AFDN: variants seen among roughly 807,000 people sequenced by gnomAD.
AFDN encodes the protein afadin, adherens junction formation factor, also known as afadin.
Under a neutral mutation model 216.6 loss-of-function variants are expected in AFDN, and 68 were observed. The ratio of observed to expected loss-of-function variants is 0.31; its 90% CI spans 0.26 to 0.38. AFDN has a LOEUF of 0.38. Among genes scored for constraint, AFDN ranks in the 10% least tolerant of loss-of-function variants. AFDN has a pLI of 1.00. For missense variants in AFDN, 2,136 were observed against 2,342.0 expected (o/e 0.91, Z 1.82); for synonymous variants, 868 against 853.7 (o/e 1.02, Z -0.29).
intron 32 of AFDN, 123 bp downstream of exon 32, chr6:167,966,168 T>C (rs1309226002): frequency 3.3e-6 from 5 of 1,534,274 alleles, no homozygotes; most frequent in Admixed American, 2.0e-5. Context: ...CTCCAACTCA[T>C]TCCAGCCACC....
intron 1 of AFDN, among the ~76,000 whole-genome samples, chr6:167,857,601 G>A (rs939154998): frequency 4.6e-5 from 7 of 151,480 alleles, no homozygotes; most frequent in African/African-American, 9.7e-5. Flanking sequence ...GATGAGAGGG[G>A]GATTACATTT....
chr6:167,886,642 C>T (rs1786849926), intron 6 of AFDN, among the ~76,000 whole-genome samples: 1 of 152,048 alleles, frequency 6.6e-6, no homozygotes, highest in African/African-American at 2.4e-5. Flanking sequence ...TAATTAAGTC[C>T]ATGGATATGA....
At chr6:167,861,147 A>G (rs1447033386) in intron 1 of AFDN, among the ~76,000 whole-genome samples, 1 of 151,552 alleles carries the variant, frequency 6.6e-6, no homozygotes, top group Non-Finnish European at 1.5e-5. Flanking sequence ...TAGGAACTTG[A>G]TTTTATCCAT....
rs957494925 is a variant in AFDN, at chr6:167,877,894, C to A, written c.739+2399C>A. ...CCTTAATTTGTTTTTGTTAAACTCA[C>A]CTCACAGCTGATCAGGCATCACAAT... On this transcript the variant is annotated intron_variant, in intron 5 of 33. Coordinates refer to ENST00000683244, the MANE Select transcript of AFDN (RefSeq NM_001386888.1). 7.9e-5 allele frequency among the ~76,000 whole-genome samples: 12 copies of A among 152,104 alleles called. 1 individual carries two copies. The highest frequency in any genetic ancestry group is 2.9e-4 in the African/African-American group (12 of 41,378).
At chr6:167,864,869 G>T in intron 2 of AFDN, 123 bp downstream of exon 2, 2 of 1,028,692 alleles carry the variant, frequency 1.9e-6, no homozygotes, top group South Asian at 2.5e-5. Context: ...TCTTTTGGTG[G>T]GTAGGAGAGT....
intron 23 of AFDN, among the ~76,000 whole-genome samples, chr6:167,940,955 G>A (rs1794621502): frequency 2.8e-5 from 1 of 35,682 alleles, no homozygotes. Context: ...AGACACAGAG[G>A]GATGTAGGGG....
At chr6:167,834,147 G>C (rs1780137008) in intron 1 of AFDN, among the ~76,000 whole-genome samples, 1 of 151,978 alleles carries the variant, frequency 6.6e-6, no homozygotes, top group Admixed American at 6.5e-5. Flanking sequence ...AGAGGTATAT[G>C]GTTACTTGAG....
At chr6:167,907,338 A>G (rs1021187827) in intron 13 of AFDN, 49 bp downstream of exon 13, 1 of 1,408,756 alleles carries the variant, frequency 7.1e-7, no homozygotes, top group African/African-American at 1.4e-5. Flanking sequence ...AAGTATTCCT[A>G]AAAAAGGGTT....
intron 22 of AFDN, chr6:167,923,276 T>C (rs961483272): frequency 5.8e-6 from 1 of 173,378 alleles, no homozygotes; most frequent in African/African-American, 2.4e-5. Context: ...TTTCTTAAAA[T>C]TCTTTGGCAG....
chr6:167,835,520 A>G (rs922629489), intron 1 of AFDN, among the ~76,000 whole-genome samples: 2 of 152,254 alleles, frequency 1.3e-5, no homozygotes, highest in African/African-American at 4.8e-5. Flanking sequence ...ACATAATTGA[A>G]CAAAGAAACG....
intron 30 of AFDN, among the ~76,000 whole-genome samples, chr6:167,961,251 C>G (rs970813871): frequency 7.9e-5 from 12 of 152,164 alleles, no homozygotes; most frequent in African/African-American, 2.9e-4. Flanking sequence ...TCATTTTAAT[C>G]CTATAAATAT....
At chr6:167,865,964 A>C (rs1427468159) in intron 2 of AFDN, among the ~76,000 whole-genome samples, 1 of 151,996 alleles carries the variant, frequency 6.6e-6, no homozygotes, top group Admixed American at 6.6e-5. Flanking sequence ...TTTTTTCTTA[A>C]GGTTATCATC....
chr6:167,943,030 G>A (rs1164998836), intron 23 of AFDN, 99 bp from the exon 24 acceptor site: 6 of 828,658 alleles, frequency 7.2e-6, no homozygotes, highest in Non-Finnish European at 1.1e-5. Context: ...AGTTATCTGT[G>A]TACATGTTGG....
rs540265332 is a variant in AFDN, at chr6:167,952,115, C to CGAG, written c.4773_4775dup (p.Glu1591dup). 1.2e-4 allele frequency: 200 copies of CGAG among 1,613,924 alleles called. No homozygotes were observed. The highest frequency in any genetic ancestry group is 1.6e-4 in the Non-Finnish European group (189 of 1,180,006). On this transcript the variant is annotated inframe_insertion, in exon 30 of 34. Coordinates refer to ENST00000683244, the MANE Select transcript of AFDN (RefSeq NM_001386888.1). ...AGTCGAAGCAGAAGGACGAAGATGA[C>CGAG]GAGGAGGAGGAGGACGATGATGTGG...
At position 167,868,930 on chromosome 6, in the gene AFDN, TTTC is replaced by T. The variant is rs370742721; in HGVS notation, c.302-1444_302-1442del. Among the ~76,000 whole-genome samples, 570 of 151,586 alleles carry T rather than the reference TTTC, an allele frequency of 3.8e-3. 3 individuals carry two copies. Among genetic ancestry groups the T allele is most frequent in the African/African-American group, 0.013 (519 of 41,364 alleles). On this transcript the variant is annotated intron_variant, in intron 2 of 33. Coordinates refer to ENST00000683244, the MANE Select transcript of AFDN (RefSeq NM_001386888.1). Reference sequence around the variant, plus strand: ...AGCACACACCACCACACCCGGCTAATTTCTTCTTCTTCTTTTTTTTTTTTCTGT... The same window carrying T: ...AGCACACACCACCACACCCGGCTAATTTCTTCTTCTTTTTTTTTTTTCTGT...
At chr6:167,897,077 C>T (rs200668627) in intron 10 of AFDN, 105 bp downstream of exon 10, 3 of 514,082 alleles carry the variant, frequency 5.8e-6, no homozygotes, top group African/African-American at 4.0e-5. Context: ...TAATTACCGA[C>T]TTGTATTTAA....
At chr6:167,873,277 T>C (rs1240985926) in intron 4 of AFDN, among the ~76,000 whole-genome samples, 1 of 152,224 alleles carries the variant, frequency 6.6e-6, no homozygotes, top group Non-Finnish European at 1.5e-5. Context: ...TGTTTCTATT[T>C]CATATACTTG....
rs62427711 is a variant in AFDN, at chr6:167,951,581, G to A, written c.4227G>A (p.Ala1409=). 1,825 of 1,614,038 alleles carry A rather than the reference G, an allele frequency of 1.1e-3. 5 individuals carry two copies. Among genetic ancestry groups the A allele is most frequent in the African/African-American group, 4.9e-3 (371 of 75,052 alleles). Residue 1409 remains alanine (A), a synonymous_variant, in exon 30 of 34, where the codon GCG becomes GCA. Transcript: ENST00000683244. This position sits in a 1 kb window ranked among gnomAD's most constrained non-coding sequence, Gnocchi z 7.1. ...PSANQIGLPS[A]QVAAAERRKR... ...CCAACCAGATAGGGCTGCCGTCTGC[G>A]CAGGTGGCTGCTGCTGAACGGAGAA...
chr6:167,881,282 CTA>C (rs1224216585), intron 6 of AFDN, among the ~76,000 whole-genome samples: 1 of 152,150 alleles, frequency 6.6e-6, no homozygotes, highest in Non-Finnish European at 1.5e-5. Context: ...GTTGGAAAAA[CTA>C]GTGATTTGAA....
Sources: allele counts gnomAD v4.1 joint callset (sites outside exome capture counted in the v4.1 genomes callset), GRCh38; gene constraint gnomAD v4.1.1; non-coding constraint Gnocchi (gnomAD v3.1); transcripts MANE v1.5; gene names NCBI Gene and HGNC (gene_info 2026-07-23, HGNC 2026-07-21).